The following IPO11 variants were observed in gnomAD, a reference collection of about 807,000 sequenced individuals.
IPO11 encodes the protein importin-11.
A neutral mutation model predicts 143.2 loss-of-function variants in IPO11; 66 were observed. That is an observed-to-expected ratio of 0.46 (90% confidence interval 0.38 to 0.57). The LOEUF is 0.57. Ranked by LOEUF, IPO11 falls within the 20% of genes least tolerant of loss-of-function variation. IPO11 has a pLI of 0.00. For missense variants in IPO11, 1,026 were observed against 1,141.0 expected (o/e 0.90, Z 1.45); for synonymous variants, 385 against 377.8 (o/e 1.02, Z -0.22).
chr5:62,440,173 T>G (rs567780727), intron 2 of IPO11, among the ~76,000 whole-genome samples: 1 of 152,240 alleles, frequency 6.6e-6, no homozygotes, highest in Admixed American at 6.5e-5. Context: ...TCAAATGTGA[T>G]TAATGTGGTA....
chr5:62,592,208 T>C (rs902277374), intron 28 of IPO11, among the ~76,000 whole-genome samples: 4 of 152,218 alleles, frequency 2.6e-5, no homozygotes, highest in Non-Finnish European at 5.9e-5. Flanking sequence ...GATTTACTCA[T>C]TGTTTGATGA....
At chr5:62,529,297 T>G (rs1289635863) in intron 21 of IPO11, among the ~76,000 whole-genome samples, 2 of 152,138 alleles carry the variant, frequency 1.3e-5, no homozygotes, top group Admixed American at 6.5e-5. Context: ...TCTTATTAAA[T>G]GTAATATGAT....
intron 28 of IPO11, among the ~76,000 whole-genome samples, chr5:62,594,597 T>C (rs1484641571): frequency 1.3e-5 from 2 of 152,186 alleles, no homozygotes; most frequent in Non-Finnish European, 2.9e-5. Context: ...AGAAACAGGC[T>C]CGCTGATACA....
chr5:62,435,034 A>ATG (rs1744120535), intron 1 of IPO11, among the ~76,000 whole-genome samples: 1 of 145,294 alleles, frequency 6.9e-6, no homozygotes, highest in Non-Finnish European at 1.5e-5. Flanking sequence ...CAAAAAAAAA[A>ATG]TATATATGTA....
At chr5:62,585,439 C>T (rs765406628) in intron 27 of IPO11, among the ~76,000 whole-genome samples, 30 of 152,078 alleles carry the variant, frequency 2.0e-4, no homozygotes, top group Non-Finnish European at 2.1e-4. Context: ...AGATGGAAAG[C>T]CCCCTGTGAA....
intron 22 of IPO11, among the ~76,000 whole-genome samples, chr5:62,533,489 G>A (rs1242389611): frequency 2.0e-5 from 3 of 152,134 alleles, no homozygotes; most frequent in African/African-American, 7.2e-5. Context: ...TGGGATTACA[G>A]GCGTGAGCCA....
In IPO11 at chr5:62,625,131, AG is replaced by A. The variant is rs1746519914; in HGVS notation, c.2764-2022del. Reference sequence around the variant, plus strand: ...TATGCCACATAACAAGGAAAATGAAAGATTTTGATTCACTAAATTCTTGCTG... The same window carrying A: ...TATGCCACATAACAAGGAAAATGAAAATTTTGATTCACTAAATTCTTGCTG... On this transcript the variant is annotated intron_variant, in intron 29 of 29. Coordinates refer to ENST00000325324, the MANE Select transcript of IPO11 (RefSeq NM_016338.5). Among the ~76,000 whole-genome samples the A allele has an allele frequency of 2.0e-5, 3 of 152,322 alleles. No individual in the cohort carries two copies. In the South Asian group the frequency reaches 6.2e-4, roughly 32 times the overall value.
intron 22 of IPO11, among the ~76,000 whole-genome samples, chr5:62,534,498 T>C (rs1393229047): frequency 1.3e-5 from 2 of 152,110 alleles, no homozygotes; most frequent in Non-Finnish European, 2.9e-5. Flanking sequence ...TAAAAGCAAA[T>C]AGTAGATTAT....
At chr5:62,559,532 A>C (rs1265620318) in intron 26 of IPO11, among the ~76,000 whole-genome samples, 1 of 152,160 alleles carries the variant, frequency 6.6e-6, no homozygotes, top group Non-Finnish European at 1.5e-5. Context: ...CAGTGTTCAC[A>C]GCATCTTCAC....
At chr5:62,560,931 T>C (rs112540291) in intron 26 of IPO11, 7 of 394,406 alleles carry the variant, frequency 1.8e-5, no homozygotes, top group African/African-American at 1.2e-4. Context: ...TGCTTAGCTG[T>C]CAGGATTAAT....
chr5:62,586,772 T>A (rs1284400354), intron 27 of IPO11, among the ~76,000 whole-genome samples: 13 of 84,064 alleles, frequency 1.5e-4, no homozygotes, highest in African/African-American at 6.1e-4. Context: ...AAAAAAAATA[T>A]ATATATATAT....
intron 5 of IPO11, among the ~76,000 whole-genome samples, chr5:62,458,353 T>G (rs935428815): frequency 3.7e-5 from 1 of 26,896 alleles, no homozygotes; most frequent in African/African-American, 1.6e-4. Flanking sequence ...CAGGCTGGAG[T>G]GCAGTGGTGC....
At chr5:62,448,171 G>A (rs1469004918) in intron 3 of IPO11, among the ~76,000 whole-genome samples, 1 of 151,634 alleles carries the variant, frequency 6.6e-6, no homozygotes, top group Non-Finnish European at 1.5e-5. Flanking sequence ...CCTTTATTTA[G>A]TATGTTTTTT....
chr5:62,476,649 T>C (rs368518195), intron 8 of IPO11, 34 bp from the exon 9 acceptor site: 216 of 1,499,598 alleles, frequency 1.4e-4, no homozygotes, highest in Non-Finnish European at 1.8e-4. Context: ...TGTGAACTTA[T>C]TAACTTCTAA....
intron 24 of IPO11, 136 bp downstream of exon 24, chr5:62,537,425 G>T (rs551122092): frequency 6.5e-4 from 389 of 600,102 alleles, no homozygotes; most frequent in Non-Finnish European, 9.4e-4. Flanking sequence ...GCAGTTTTCA[G>T]TTGGTTTAAT....
At chr5:62,516,641 A>T (rs767247804) in intron 20 of IPO11, among the ~76,000 whole-genome samples, 2 of 152,276 alleles carry the variant, frequency 1.3e-5, no homozygotes, top group African/African-American at 4.8e-5. Flanking sequence ...TTCCTGTTTA[A>T]GGCAATTTCA....
chr5:62,565,395 A>G (rs551210343), intron 27 of IPO11, among the ~76,000 whole-genome samples: 2 of 152,320 alleles, frequency 1.3e-5, no homozygotes, highest in African/African-American at 4.8e-5. Flanking sequence ...CTGAGGCAGG[A>G]GAATTGCTTG....
intron 2 of IPO11, among the ~76,000 whole-genome samples, chr5:62,439,412 G>C (rs2112135830): frequency 6.8e-6 from 1 of 148,072 alleles, no homozygotes; most frequent in Admixed American, 7.0e-5. Context: ...TCAGCCTCCT[G>C]AGTAGCTGGG....
chr5:62,419,210 G>A (rs1743409962), intron 1 of IPO11: 2 of 1,431,948 alleles, frequency 1.4e-6, no homozygotes, highest in East Asian at 2.5e-5. Context: ...TGGTACATCT[G>A]TACAGGGCAC....
Sources: gnomAD v4.1 joint callset for allele counts (sites outside exome capture counted in the v4.1 genomes callset) on GRCh38, gnomAD v4.1.1 for gene constraint, MANE v1.5 for transcripts, NCBI Gene and HGNC (gene_info 2026-07-23, HGNC 2026-07-21) for gene names.